The following DLGAP4 variants were observed in gnomAD, a reference collection of about 807,000 sequenced individuals.
DLGAP4 encodes DLG associated protein 4, also known as disks large-associated protein 4.
In DLGAP4, 18 loss-of-function variants were observed where a neutral mutation model predicts 86.9. That is an observed-to-expected ratio of 0.21 (90% CI 0.14 to 0.31). DLGAP4 has a LOEUF of 0.31. DLGAP4 is among the 10% of genes least tolerant of loss of function. DLGAP4 has a pLI of 1.00. For synonymous variants in DLGAP4, 548 were observed against 574.3 expected (o/e 0.95, Z 0.65); for missense variants, 1,085 against 1,362.6 (o/e 0.80, Z 3.21).
At chr20:36,374,472 A>G (rs1345776654) in intron 2 of DLGAP4, among the ~76,000 whole-genome samples, 1 of 152,228 alleles carries the variant, frequency 6.6e-6, no homozygotes, top group Non-Finnish European at 1.5e-5. Flanking sequence ...GAGAGGAGGC[A>G]GGCCCGGACC....
intron 2 of DLGAP4, among the ~76,000 whole-genome samples, chr20:36,402,896 G>GTGT (rs1304267185): frequency 1.3e-5 from 2 of 152,198 alleles, no homozygotes; most frequent in African/African-American, 4.8e-5. Flanking sequence ...TAGCCTGGGT[G>GTGT]TGTTGGATTC....
At position 36,446,700 on chromosome 20, in the gene DLGAP4, C is replaced by T. The variant is rs752288349; in HGVS notation, c.1411C>T (p.Arg471Trp). 13 of 1,599,424 alleles carry T rather than the reference C, an allele frequency of 8.1e-6. No homozygotes were observed. The highest frequency in any genetic ancestry group is 2.7e-5 in the African/African-American group (2 of 74,692). ...PQLFGHEQQVREAELSDQYEA... is the reference protein window; with the variant it reads ...PQLFGHEQQVWEAELSDQYEA... ...ATGCCTGCCTTTGCCTGGACAGGTACGGGAGGCAGAGCTGAGTGACCAGTA... is the reference window on the plus strand; with the variant it reads ...ATGCCTGCCTTTGCCTGGACAGGTATGGGAGGCAGAGCTGAGTGACCAGTA... The change falls in exon 7 of 13, where the codon CGG becomes TGG. Residue 471 changes from arginine to tryptophan, a missense_variant. By Grantham distance (101) the Arg-to-Trp change is moderately radical. Around this residue, in one of 2 missense-constraint regions of DLGAP4, gnomAD observed 1,082 missense variants for 1,344.1 expected, o/e 0.81. Transcript: ENST00000339266.
chr20:36,495,395 C>G (rs150111631), intron 7 of DLGAP4, among the ~76,000 whole-genome samples: 26 of 152,202 alleles, frequency 1.7e-4, no homozygotes, highest in African/African-American at 6.0e-4. Flanking sequence ...TGATTGTAGC[C>G]CCTTGAAGGC....
At chr20:36,388,919 T>C (rs2031695338) in intron 2 of DLGAP4, among the ~76,000 whole-genome samples, 1 of 152,176 alleles carries the variant, frequency 6.6e-6, no homozygotes, top group African/African-American at 2.4e-5. Context: ...AGGACCACCA[T>C]TGCATCCTCT....
At chr20:36,373,989 A>T (rs1164137565) in intron 2 of DLGAP4, among the ~76,000 whole-genome samples, 1 of 147,254 alleles carries the variant, frequency 6.8e-6, no homozygotes. Context: ...GTGAACCGAG[A>T]TCGTGCCACT....
At chr20:36,497,792 C>T (rs535279708) in intron 8 of DLGAP4, 1 of 201,754 alleles carries the variant, frequency 5.0e-6, no homozygotes, top group African/African-American at 2.4e-5. Flanking sequence ...CATTGCACTC[C>T]TGCATGCACC....
At chr20:36,359,617 C>G (rs1029692995) in intron 1 of DLGAP4, among the ~76,000 whole-genome samples, 6 of 152,126 alleles carry the variant, frequency 3.9e-5, no homozygotes, top group African/African-American at 1.4e-4. Flanking sequence ...GGCTCGGTGT[C>G]CTCATTTGTG....
intron 7 of DLGAP4, among the ~76,000 whole-genome samples, chr20:36,486,088 CCT>C (rs2035398923): frequency 6.6e-6 from 1 of 152,144 alleles, no homozygotes; most frequent in East Asian, 1.9e-4. Flanking sequence ...CTTCCATGTG[CCT>C]CTGTTTACCC....
At chr20:36,486,431 G>A (rs1478999667) in intron 7 of DLGAP4, among the ~76,000 whole-genome samples, 1 of 152,132 alleles carries the variant, frequency 6.6e-6, no homozygotes, top group Non-Finnish European at 1.5e-5. Context: ...ATGCCAACAT[G>A]AGGGTGAAGT....
At position 36,311,022 on chromosome 20, in the gene DLGAP4, C is replaced by T. The variant is rs1041379309; in HGVS notation, c.-304+4510C>T. Among the ~76,000 whole-genome samples, 351 of 152,304 alleles carry T rather than the reference C, an allele frequency of 2.3e-3. 2 individuals are homozygous for T. Among genetic ancestry groups the T allele is most frequent in the African/African-American group, 8.0e-3 (331 of 41,572 alleles). ...CTGTTCTGTTCCTATATCCCCTCCA[C>T]AGCGTCTCCTGGCAACTCCTCCAGG... On this transcript the variant is annotated intron_variant, in intron 1 of 12. Transcript: ENST00000339266.
At chr20:36,345,377 T>C (rs782743482) in intron 1 of DLGAP4, among the ~76,000 whole-genome samples, 1 of 152,206 alleles carries the variant, frequency 6.6e-6, no homozygotes, top group Non-Finnish European at 1.5e-5. Context: ...GGCCATTTGT[T>C]TGTGGTCATA....
chr20:36,374,020 G>A (rs2031048236), intron 2 of DLGAP4, among the ~76,000 whole-genome samples: 1 of 132,826 alleles, frequency 7.5e-6, no homozygotes, highest in African/African-American at 2.9e-5. Context: ...CTGGGTGACA[G>A]TGAGACTGTC....
chr20:36,475,760 G>A (rs2034883315), intron 7 of DLGAP4, among the ~76,000 whole-genome samples: 1 of 152,130 alleles, frequency 6.6e-6, no homozygotes, highest in South Asian at 2.1e-4. Context: ...TTTAGGTTTG[G>A]AATGAGTAAA....
At chr20:36,437,620 T>C (rs2033324569) in intron 4 of DLGAP4, among the ~76,000 whole-genome samples, 1 of 152,210 alleles carries the variant, frequency 6.6e-6, no homozygotes. Context: ...CCCCATCGTG[T>C]TGCTGTAAGG....
At chr20:36,335,560 G>A (rs1459359924) in intron 1 of DLGAP4, among the ~76,000 whole-genome samples, 2 of 152,200 alleles carry the variant, frequency 1.3e-5, no homozygotes, top group Non-Finnish European at 2.9e-5. Flanking sequence ...GCGAGGCTGT[G>A]TGTCTGAGCC....
intron 7 of DLGAP4, among the ~76,000 whole-genome samples, chr20:36,494,317 G>A (rs1257711351): frequency 1.3e-5 from 2 of 152,210 alleles, no homozygotes; most frequent in Non-Finnish European, 2.9e-5. Flanking sequence ...AGAACTCACT[G>A]CAGAGCTGTT....
At chr20:36,523,290 C>T (rs1294276325) in intron 10 of DLGAP4, among the ~76,000 whole-genome samples, 9 of 152,134 alleles carry the variant, frequency 5.9e-5, no homozygotes, top group Non-Finnish European at 5.9e-5. Context: ...CCACTATGCC[C>T]GGCTGATGCC....
chr20:36,420,570 A>C (rs1205675304), intron 2 of DLGAP4, among the ~76,000 whole-genome samples: 1 of 152,080 alleles, frequency 6.6e-6, no homozygotes, highest in African/African-American at 2.4e-5. Context: ...AGGCGCAGTG[A>C]CCCACACCTG....
chr20:36,456,346 C>T (rs551742106), intron 7 of DLGAP4, among the ~76,000 whole-genome samples: 1 of 152,290 alleles, frequency 6.6e-6, no homozygotes, highest in Non-Finnish European at 1.5e-5. Flanking sequence ...CCTGGTAAAG[C>T]AGTACAAGCA....
Sources: allele counts gnomAD v4.1 joint callset (sites outside exome capture counted in the v4.1 genomes callset), GRCh38; gene constraint gnomAD v4.1.1; regional missense constraint gnomAD v4.1.1; transcripts MANE v1.5; gene names NCBI Gene and HGNC (gene_info 2026-07-23, HGNC 2026-07-21).